Variants in CLTA observed in about 807,000 individuals in gnomAD.
The protein encoded by CLTA is clathrin light chain A.
CLTA carries 9 observed loss-of-function variants against 26.9 expected under a neutral mutation model. That is an observed-to-expected ratio of 0.33 (90% CI 0.20 to 0.58). The LOEUF is 0.58. CLTA is among the 20% of genes least tolerant of loss of function. The probability of loss-of-function intolerance (pLI) is 0.85; values close to 1 mark genes in which losing one functional copy is unlikely to be tolerated. For missense variants in CLTA, 278 were observed against 294.2 expected (o/e 0.94, Z 0.40); for synonymous variants, 120 against 115.5 (o/e 1.04, Z -0.25).
intron 1 of CLTA, among the ~76,000 whole-genome samples, chr9:36,196,382 C>T (rs373157334): frequency 4.8e-4 from 70 of 147,142 alleles, no homozygotes; most frequent in Middle Eastern, 3.6e-3. Context: ...AGTCTCGCTC[C>T]GTCACCCAGG....
Position 36,209,605 on chromosome 9 carries a change from T to C in CLTA, c.486-1998T>C, listed in dbSNP as rs180873476. 2.0e-4 allele frequency among the ~76,000 whole-genome samples: 31 copies of C among 152,206 alleles called. 1 individual carries two copies. In the South Asian group the frequency reaches 2.1e-3, roughly 10 times the overall value. On this transcript the variant is annotated intron_variant, in intron 4 of 4. Transcript: ENST00000345519. The stretch of plus-strand genomic sequence containing the variant: ...CATTTGCGATCTTATCTGGGAACGG[T>C]TTGAGGCTCGGGGGAACTCTGCTCT...
intron 3 of CLTA, among the ~76,000 whole-genome samples, chr9:36,199,864 A>G (rs1180440287): frequency 2.1e-4 from 32 of 152,246 alleles, no homozygotes. Flanking sequence ...CTGTAAGGTA[A>G]GTTTTACAAT....
intron 3 of CLTA, among the ~76,000 whole-genome samples, 160 bp downstream of exon 3, chr9:36,199,256 T>C (rs528506831): frequency 3.9e-5 from 6 of 152,110 alleles, no homozygotes; most frequent in Non-Finnish European, 8.8e-5. Context: ...TGCACAGAGA[T>C]GCCTAATCAC....
upstream of CLTA, chr9:36,190,910 G>C (rs879360698): frequency 2.9e-6 from 4 of 1,359,168 alleles, no homozygotes; most frequent in South Asian, 1.6e-5. Flanking sequence ...CCGGATACAC[G>C]GGTAGGGCTT....
chr9:36,202,785 T>C (rs1449323266), intron 3 of CLTA, among the ~76,000 whole-genome samples: 1 of 152,140 alleles, frequency 6.6e-6, no homozygotes, highest in Non-Finnish European at 1.5e-5. Flanking sequence ...TAACTTCAAG[T>C]GTCAGCTGCC....
In CLTA at chr9:36,191,131, C is replaced by G; in HGVS notation, c.75C>G (p.Gly25=). The change falls in exon 1 of 5, where the codon GGC becomes GGG. Residue 25 remains glycine (G), a synonymous_variant. Transcript: ENST00000345519. ...GGPALGNGVA[G]AGEEDPAAAF... The stretch of plus-strand genomic sequence containing the variant: ...CCGCGCTGGGGAACGGAGTGGCCGG[C>G]GCCGGCGAAGAAGACCCGGCTGCGG... The G allele has an allele frequency of 6.2e-7, 1 of 1,600,432 alleles. No homozygotes were observed. Among genetic ancestry groups the G allele is most frequent in the Non-Finnish European group, 8.5e-7 (1 of 1,176,104 alleles).
chr9:36,208,201 A>C (rs1403912197), intron 4 of CLTA, among the ~76,000 whole-genome samples: 2 of 152,180 alleles, frequency 1.3e-5, no homozygotes, highest in African/African-American at 4.8e-5. Context: ...AGACTCCATG[A>C]GGGAGGTTCC....
In CLTA at chr9:36,199,186, C is replaced by T. The variant is rs1827251966; in HGVS notation, c.373+90C>T. On this transcript the variant is annotated intron_variant, in intron 3 of 4. Transcript: ENST00000345519. Reference sequence around the variant, plus strand: ...TTATTCCTTTTTAGCTCACATTAACCAGTGTCATTGTCTGGTCTTTGGGAA... The same window carrying T: ...TTATTCCTTTTTAGCTCACATTAACTAGTGTCATTGTCTGGTCTTTGGGAA... 4 of 848,714 alleles carry T rather than the reference C, an allele frequency of 4.7e-6. No individual in the cohort carries two copies. The East Asian group carries it at 7.6e-5, about 16-fold the overall frequency. The allele number at this position is 848,714 out of a possible 1,614,324, so 52.6% of individuals were successfully genotyped here.
At chr9:36,196,237 T>G (rs1254975121) in intron 1 of CLTA, among the ~76,000 whole-genome samples, 1 of 150,792 alleles carries the variant, frequency 6.6e-6, no homozygotes, top group Non-Finnish European at 1.5e-5. Context: ...GAGCCAAGAT[T>G]GCACCACTGT....
rs780913493 is a variant in CLTA at position 36,211,750 on chromosome 9, C to G, written c.633C>G (p.Leu211=). 2 of 1,612,970 alleles carry G rather than the reference C, an allele frequency of 1.2e-6. No homozygotes were observed. The highest frequency in any genetic ancestry group is 4.5e-5 in the East Asian group (2 of 44,840). The change falls in exon 5 of 5, where the codon CTC becomes CTG. Residue 211 remains leucine, a synonymous_variant. Coordinates refer to ENST00000345519, the MANE Select transcript of CLTA (RefSeq NM_001833.4). ...VSRMRSVLIS[L]KQAPLVH The stretch of plus-strand genomic sequence containing the variant: ...GCATGCGCTCAGTCCTCATCTCCCT[C>G]AAGCAGGCCCCGCTGGTGCACTGAA...
chr9:36,193,430 C>T (rs543935296), intron 1 of CLTA, among the ~76,000 whole-genome samples: 6 of 152,054 alleles, frequency 3.9e-5, no homozygotes, highest in Non-Finnish European at 5.9e-5. Flanking sequence ...ACTACCACCA[C>T]TGCCCGGCCT....
chr9:36,198,267 G>A (rs1480071709), intron 2 of CLTA, among the ~76,000 whole-genome samples: 1 of 151,818 alleles, frequency 6.6e-6, no homozygotes. Context: ...CAAAGTGCTG[G>A]GATTACAGGC....
At chr9:36,199,454 CTTT>C (rs879907387) in intron 3 of CLTA, among the ~76,000 whole-genome samples, 1 of 142,538 alleles carries the variant, frequency 7.0e-6, no homozygotes. Flanking sequence ...TTTCTTTTTT[CTTT>C]TTTTTTTTTT....
chr9:36,211,926 C>T lies in CLTA; in HGVS notation c.*152C>T. The T allele has an allele frequency of 2.7e-6, 2 of 734,102 alleles. No homozygotes were observed. The highest frequency in any genetic ancestry group is 4.6e-6 in the Non-Finnish European group (2 of 435,196). 45.5% of individuals were successfully genotyped at this position (734,102 alleles called of 1,614,324 possible). Reference sequence around the variant, plus strand: ...TTGTTTGTGATTGCATGTTTCCTTCCTTCAACTGTGTTCTCCCTGGCATTC... The same window carrying T: ...TTGTTTGTGATTGCATGTTTCCTTCTTTCAACTGTGTTCTCCCTGGCATTC... On this transcript the variant is annotated 3_prime_UTR_variant, in exon 5 of 5. Coordinates refer to ENST00000345519, the MANE Select transcript of CLTA (RefSeq NM_001833.4).
intron 3 of CLTA, among the ~76,000 whole-genome samples, chr9:36,200,874 G>A (rs1827363638): frequency 6.6e-6 from 1 of 152,202 alleles, no homozygotes; most frequent in Non-Finnish European, 1.5e-5. Context: ...CAGTGGAGCT[G>A]TAGGAAGATG....
At chr9:36,208,056 T>C (rs1409485363) in intron 4 of CLTA, among the ~76,000 whole-genome samples, 2 of 152,188 alleles carry the variant, frequency 1.3e-5, no homozygotes, top group Admixed American at 1.3e-4. Context: ...TGTGTGAGCT[T>C]AAAAATTAAC....
chr9:36,206,889 A>G (rs1005870978), intron 4 of CLTA, among the ~76,000 whole-genome samples: 1 of 151,230 alleles, frequency 6.6e-6, no homozygotes, highest in Non-Finnish European at 1.5e-5. Flanking sequence ...AGCGAGACTC[A>G]GTCTGAAAAA....
At chr9:36,195,257 A>C (rs1201121121) in intron 1 of CLTA, among the ~76,000 whole-genome samples, 4 of 152,256 alleles carry the variant, frequency 2.6e-5, no homozygotes, top group African/African-American at 9.6e-5. Context: ...AAAAGCAGAT[A>C]CAGAAATCAT....
At chr9:36,202,247 T>TG (rs1166421734) in intron 3 of CLTA, among the ~76,000 whole-genome samples, 1 of 152,206 alleles carries the variant, frequency 6.6e-6, no homozygotes, top group South Asian at 2.1e-4. Context: ...ACCTGAAACT[T>TG]GGGGGAGTTT....
Sources: allele counts gnomAD v4.1 joint callset (sites outside exome capture counted in the v4.1 genomes callset), GRCh38; gene constraint gnomAD v4.1.1; transcripts MANE v1.5; gene names NCBI Gene and HGNC (gene_info 2026-07-23, HGNC 2026-07-21).